Variants in COL24A1 observed in about 807,000 individuals in gnomAD.
COL24A1 encodes collagen alpha-1(XXIV) chain.
Under a neutral mutation model 253.9 loss-of-function variants are expected in COL24A1, and 224 were observed. The ratio of observed to expected loss-of-function variants is 0.88; its 90% CI spans 0.79 to 0.99. COL24A1 has a LOEUF of 0.99. COL24A1 is among the 50% of genes least tolerant of loss of function. The pLI is 0.00. For missense variants in COL24A1, 2,131 were observed against 2,068.5 expected, an observed-to-expected ratio of 1.03 and a Z score of -0.59; for synonymous variants, 685 against 673.7, an observed-to-expected ratio of 1.02 and a Z score of -0.26.
chr1:85,848,072 T>A (rs963500058), intron 38 of COL24A1, among the ~76,000 whole-genome samples: 5 of 152,186 alleles, frequency 3.3e-5, no homozygotes, highest in Non-Finnish European at 5.9e-5. Context: ...TATGCATGTA[T>A]GTGTTGTTAC....
chr1:85,846,759 A>G (rs1677183643), intron 39 of COL24A1, among the ~76,000 whole-genome samples: 1 of 152,062 alleles, frequency 6.6e-6, no homozygotes, highest in Non-Finnish European at 1.5e-5. Context: ...TGTCAAATTA[A>G]AAAATTAATA....
At chr1:86,012,297 A>C in intron 19 of COL24A1, among the ~76,000 whole-genome samples, 1 of 152,106 alleles carries the variant, frequency 6.6e-6, no homozygotes. Flanking sequence ...TCCTTAAATC[A>C]TTGCCCTACT....
intron 5 of COL24A1, among the ~76,000 whole-genome samples, chr1:86,097,534 CTCCTCCCTCCT>C (rs1443883711): frequency 1.0e-3 from 11 of 10,664 alleles, no homozygotes; most frequent in Non-Finnish European, 1.4e-3. Context: ...CTCCTCCCTC[CTCCTCCCTCCT>C]CCCTCCTCCT....
At chr1:86,062,831 A>G (rs1207051666) in intron 8 of COL24A1, among the ~76,000 whole-genome samples, 1 of 152,124 alleles carries the variant, frequency 6.6e-6, no homozygotes, top group Non-Finnish European at 1.5e-5. Context: ...GTTGTGCTTC[A>G]GGGACTGAAC....
intron 6 of COL24A1, 36 bp from the exon 7 acceptor site, chr1:86,089,263 G>A (rs779832846): frequency 6.6e-7 from 1 of 1,505,842 alleles, no homozygotes; most frequent in Non-Finnish European, 9.0e-7. Context: ...TGTCATGAAA[G>A]AGAACTGAAA....
chr1:86,107,404 A>G (rs1269299872), intron 5 of COL24A1, among the ~76,000 whole-genome samples: 1 of 152,236 alleles, frequency 6.6e-6, no homozygotes, highest in East Asian at 1.9e-4. Flanking sequence ...TGAATGTTCT[A>G]TTAATTCCGA....
intron 11 of COL24A1, among the ~76,000 whole-genome samples, chr1:86,047,640 A>C (rs1250976608): frequency 6.6e-6 from 1 of 152,028 alleles, no homozygotes; most frequent in South Asian, 2.1e-4. Flanking sequence ...TAAAATCTTC[A>C]TGTATATATA....
At chr1:85,843,163 C>T (rs1008386435) in intron 39 of COL24A1, among the ~76,000 whole-genome samples, 2 of 152,100 alleles carry the variant, frequency 1.3e-5, no homozygotes, top group African/African-American at 2.4e-5. Flanking sequence ...AAATGTCATA[C>T]TAGAACTAAG....
intron 24 of COL24A1, among the ~76,000 whole-genome samples, chr1:85,956,730 G>C (rs1360497974): frequency 6.6e-6 from 1 of 152,108 alleles, no homozygotes; most frequent in Non-Finnish European, 1.5e-5. Context: ...ACCAGAAAAT[G>C]ACCCTAGAAG....
At chr1:86,108,314 G>C (rs1705192111) in intron 5 of COL24A1, among the ~76,000 whole-genome samples, 1 of 152,134 alleles carries the variant, frequency 6.6e-6, no homozygotes, top group Non-Finnish European at 1.5e-5. Context: ...ATTTTAGTTT[G>C]ATACAAAGTT....
chr1:86,061,477 T>C (rs1571787538), intron 8 of COL24A1, among the ~76,000 whole-genome samples: 1 of 152,204 alleles, frequency 6.6e-6, no homozygotes, highest in Non-Finnish European at 1.5e-5. Context: ...CAATCTGTTA[T>C]AGAACATAAG....
chr1:85,878,769 A>G (rs1164486113), intron 32 of COL24A1, among the ~76,000 whole-genome samples: 2 of 152,178 alleles, frequency 1.3e-5, no homozygotes, highest in African/African-American at 4.8e-5. Context: ...TTTAGATTTC[A>G]GCCATTCTAA....
Position 85,754,401 on chromosome 1 carries a change from G to A in COL24A1, c.4437+6995C>T, listed in dbSNP as rs191106002. 1.0e-4 allele frequency among the ~76,000 whole-genome samples: 9 copies of A among 85,938 alleles called. No homozygotes were observed. The East Asian group carries it at 2.8e-3, about 27-fold the overall frequency. The allele number at this position is 85,938 out of a possible 152,430, so 56.4% of individuals were successfully genotyped here. On this transcript the variant is annotated intron_variant, in intron 55 of 59. Coordinates refer to ENST00000370571, the MANE Select transcript of COL24A1 (RefSeq NM_152890.7). ...GGGGACTGTGGTGGGGTCGGGGGAG[G>A]GGGGAGGGATAGCATTGGGAGATAT...
At chr1:85,917,475 T>TC (rs1441166576) in intron 24 of COL24A1, among the ~76,000 whole-genome samples, 3 of 152,160 alleles carry the variant, frequency 2.0e-5, no homozygotes, top group African/African-American at 7.2e-5. Flanking sequence ...ATTTCCTAAA[T>TC]TTTCTTGATG....
intron 2 of COL24A1, among the ~76,000 whole-genome samples, chr1:86,136,789 T>C (rs188596328): frequency 3.4e-4 from 51 of 152,014 alleles, no homozygotes; most frequent in African/African-American, 1.1e-3. Flanking sequence ...CCCACAGAAA[T>C]CTCAGTGGGG....
intron 24 of COL24A1, among the ~76,000 whole-genome samples, chr1:85,955,158 C>A (rs891974678): frequency 3.3e-5 from 5 of 152,182 alleles, no homozygotes; most frequent in African/African-American, 1.2e-4. Flanking sequence ...ACAACAGACA[C>A]CAGCAGGCCA....
chr1:86,106,443 G>A (rs183377964), intron 5 of COL24A1, among the ~76,000 whole-genome samples: 43 of 152,220 alleles, frequency 2.8e-4, no homozygotes, highest in Admixed American at 1.5e-3. Context: ...AATGTTTGTA[G>A]GAAGGTTTTA....
intron 47 of COL24A1, among the ~76,000 whole-genome samples, chr1:85,810,483 A>G (rs1672416308): frequency 6.6e-6 from 1 of 152,076 alleles, no homozygotes; most frequent in African/African-American, 2.4e-5. Context: ...CCATTTTCCT[A>G]TACTCTGTTG....
At chr1:86,098,800 A>G (rs1704210287) in intron 5 of COL24A1, among the ~76,000 whole-genome samples, 1 of 152,234 alleles carries the variant, frequency 6.6e-6, no homozygotes, top group Non-Finnish European at 1.5e-5. Flanking sequence ...TCTACAGAAT[A>G]AAAATGAACA....
Sources: gnomAD v4.1 joint callset for allele counts (sites outside exome capture counted in the v4.1 genomes callset) on GRCh38, gnomAD v4.1.1 for gene constraint, MANE v1.5 for transcripts, NCBI Gene and HGNC (gene_info 2026-07-23, HGNC 2026-07-21) for gene names.